Variants in PPP1R14D observed in about 807,000 individuals in gnomAD.
The protein encoded by PPP1R14D is protein phosphatase 1 regulatory inhibitor subunit 14D.
A neutral mutation model predicts 17.1 loss-of-function variants in PPP1R14D; 14 were observed. That is an observed-to-expected ratio of 0.82 (90% CI 0.54 to 1.28). The LOEUF is 1.28. Among genes scored for constraint, PPP1R14D ranks in the 50% most tolerant of loss-of-function variants. The pLI is 0.00. For missense variants in PPP1R14D, 173 were observed against 179.2 expected (o/e 0.97, Z 0.20); for synonymous variants, 67 against 66.1 (o/e 1.01, Z -0.06).
intron 1 of PPP1R14D, among the ~76,000 whole-genome samples, chr15:40,816,982 GA>G (rs1443232464): frequency 6.6e-6 from 1 of 152,176 alleles, no homozygotes; most frequent in Non-Finnish European, 1.5e-5. Context: ...TGAGGCAGGA[GA>G]ATGGCTTCAA....
At chr15:40,818,656 A>T (rs1890718041) in intron 1 of PPP1R14D, among the ~76,000 whole-genome samples, 1 of 152,202 alleles carries the variant, frequency 6.6e-6, no homozygotes, top group Non-Finnish European at 1.5e-5. Context: ...GACCTGCTGG[A>T]AAAAGTATGG....
intron 1 of PPP1R14D, among the ~76,000 whole-genome samples, chr15:40,824,679 T>C (rs907988568): frequency 5.9e-5 from 9 of 152,186 alleles, no homozygotes; most frequent in Admixed American, 6.5e-5. Flanking sequence ...GACAATACTT[T>C]TTTTAAGTCA....
chr15:40,827,939 C>CA (rs1337013103), intron 1 of PPP1R14D, among the ~76,000 whole-genome samples: 6 of 144,626 alleles, frequency 4.1e-5, no homozygotes, highest in Non-Finnish European at 9.2e-5. Flanking sequence ...AACAAACAAA[C>CA]AAAAAACAAA....
intron 1 of PPP1R14D, among the ~76,000 whole-genome samples, chr15:40,826,660 C>T (rs969972954): frequency 6.6e-6 from 1 of 152,210 alleles, no homozygotes; most frequent in African/African-American, 2.4e-5. Flanking sequence ...AACCTCCATT[C>T]CCTCAGCTGT....
chr15:40,816,149 A>G, intron 2 of PPP1R14D, 21 bp downstream of exon 2: 1 of 1,612,960 alleles, frequency 6.2e-7, no homozygotes, highest in African/African-American at 1.3e-5. Context: ...ACCCAAGGCC[A>G]GCTTCTAGCC....
At chr15:40,827,228 G>C (rs1050267768) in intron 1 of PPP1R14D, among the ~76,000 whole-genome samples, 5 of 152,198 alleles carry the variant, frequency 3.3e-5, no homozygotes, top group African/African-American at 1.2e-4. Context: ...GCCCATGTTG[G>C]CTGGGTGCGG....
At chr15:40,821,010 A>C (rs1053467153) in intron 1 of PPP1R14D, among the ~76,000 whole-genome samples, 1 of 148,546 alleles carries the variant, frequency 6.7e-6, no homozygotes, top group African/African-American at 2.5e-5. Flanking sequence ...ACATAGCAAG[A>C]ACTCTTCTCC....
chr15:40,818,583 G>A (rs1443912991), intron 1 of PPP1R14D, among the ~76,000 whole-genome samples: 3 of 152,002 alleles, frequency 2.0e-5, no homozygotes, highest in African/African-American at 7.3e-5. Context: ...GGGCAGAAAA[G>A]TAGAGACCCT....
chr15:40,822,011 C>T (rs570418921), intron 1 of PPP1R14D, among the ~76,000 whole-genome samples: 73 of 152,204 alleles, frequency 4.8e-4, no homozygotes, highest in African/African-American at 1.7e-3. Context: ...GGTGCAGTGG[C>T]TTATGCCTGT....
intron 1 of PPP1R14D, among the ~76,000 whole-genome samples, chr15:40,822,653 A>G (rs1038040808): frequency 2.6e-5 from 4 of 151,834 alleles, no homozygotes; most frequent in African/African-American, 9.7e-5. Context: ...GGGTTTTGCC[A>G]TGTTGGTGAG....
chr15:40,818,356 T>C (rs1316720606), intron 1 of PPP1R14D, among the ~76,000 whole-genome samples: 15 of 151,204 alleles, frequency 9.9e-5, no homozygotes, highest in Non-Finnish European at 2.9e-5. Flanking sequence ...TATTCATAAT[T>C]GCCAAAACAT....
At chr15:40,822,873 AC>A (rs1416086974) in intron 1 of PPP1R14D, among the ~76,000 whole-genome samples, 6 of 151,160 alleles carry the variant, frequency 4.0e-5, no homozygotes, top group South Asian at 4.2e-4. Flanking sequence ...ATCATGGCTC[AC>A]TGCAGCCTCA....
chr15:40,822,072 G>A (rs927302197), intron 1 of PPP1R14D, among the ~76,000 whole-genome samples: 2 of 152,138 alleles, frequency 1.3e-5, no homozygotes, highest in African/African-American at 4.8e-5. Context: ...AAGTTCAGGA[G>A]TTCGAGACCA....
At chr15:40,827,219 C>A (rs187136607) in intron 1 of PPP1R14D, among the ~76,000 whole-genome samples, 1 of 152,322 alleles carries the variant, frequency 6.6e-6, no homozygotes, top group Non-Finnish European at 1.5e-5. Context: ...TGAGATGTGG[C>A]CCATGTTGGC....
chr15:40,824,646 G>C (rs545776508), intron 1 of PPP1R14D, among the ~76,000 whole-genome samples: 277 of 152,188 alleles, frequency 1.8e-3, no homozygotes, highest in Non-Finnish European at 3.5e-3. Flanking sequence ...TGGGATCATA[G>C]ACATGAGCCA....
At chr15:40,824,420 G>C (rs1890836699) in intron 1 of PPP1R14D, among the ~76,000 whole-genome samples, 1 of 151,372 alleles carries the variant, frequency 6.6e-6, no homozygotes, top group African/African-American at 2.4e-5. Flanking sequence ...ACCCAGGCTG[G>C]AGTGCAGTGG....
chr15:40,822,459 T>C (rs1428449592), intron 1 of PPP1R14D, among the ~76,000 whole-genome samples: 1 of 143,636 alleles, frequency 7.0e-6, no homozygotes, highest in African/African-American at 2.6e-5. Flanking sequence ...GACCAGATTC[T>C]TTTTTTTTTT....
intron 1 of PPP1R14D, among the ~76,000 whole-genome samples, chr15:40,818,061 C>T (rs948139261): frequency 3.3e-5 from 5 of 151,966 alleles, no homozygotes; most frequent in Admixed American, 6.6e-5. Context: ...GAGGCTGAGG[C>T]GGGCTGATCA....
At chr15:40,816,121 GT>G (rs1890656792) in intron 2 of PPP1R14D, 48 bp downstream of exon 2, 2 of 1,605,000 alleles carry the variant, frequency 1.2e-6, no homozygotes, top group African/African-American at 1.3e-5. Context: ...CAGAACCTGG[GT>G]TTCTGGGTTC....
Sources: allele counts gnomAD v4.1 joint callset (sites outside exome capture counted in the v4.1 genomes callset), GRCh38; gene constraint gnomAD v4.1.1; transcripts MANE v1.5; gene names NCBI Gene and HGNC (gene_info 2026-07-23, HGNC 2026-07-21).